The following GLYATL1 variants were observed in gnomAD, a reference collection of about 807,000 sequenced individuals.
GLYATL1 encodes glycine N-acyltransferase-like protein 1.
A neutral mutation model predicts 20.0 loss-of-function variants in GLYATL1; 15 were observed. The ratio of observed to expected loss-of-function variants is 0.75; its 90% confidence interval spans 0.50 to 1.15. The LOEUF is 1.15. Ranked by LOEUF, GLYATL1 falls within the 50% of genes most tolerant of loss-of-function variation. The pLI, the probability that GLYATL1 is intolerant of heterozygous loss-of-function variation, is 0.00. For missense variants in GLYATL1, 380 were observed against 368.5 expected (o/e 1.03, Z -0.26); for synonymous variants, 151 against 131.5 (o/e 1.15, Z -1.01).
chr11:58,951,896 G>GT (rs1554988226), intron 4 of GLYATL1, among the ~76,000 whole-genome samples: 17 of 151,950 alleles, frequency 1.1e-4, no homozygotes, highest in African/African-American at 3.6e-4. Flanking sequence ...GGCATTATTT[G>GT]TTTTGTTTTT....
intron 1 of GLYATL1, among the ~76,000 whole-genome samples, chr11:58,929,463 G>A (rs903844680): frequency 3.3e-5 from 5 of 152,050 alleles, no homozygotes; most frequent in Admixed American, 6.6e-5. Flanking sequence ...TTACCTGTTA[G>A]TTCTTGCATT....
At chr11:58,919,235 A>T (rs1855251391) in intron 1 of GLYATL1, among the ~76,000 whole-genome samples, 1 of 152,172 alleles carries the variant, frequency 6.6e-6, no homozygotes, top group African/African-American at 2.4e-5. Context: ...ATCACCTTTA[A>T]TCTGACATAT....
chr11:58,919,696 AG>A (rs1270097103), intron 1 of GLYATL1, among the ~76,000 whole-genome samples: 3 of 152,222 alleles, frequency 2.0e-5, no homozygotes, highest in Admixed American at 6.5e-5. Context: ...ATTAAAATCC[AG>A]AAGCAAATTT....
chr11:58,907,541 G>C, exon 2 of GLYATL1: 1 of 360,482 alleles, frequency 2.8e-6, no homozygotes, highest in South Asian at 2.1e-5. Flanking sequence ...ACTCCATTTT[G>C]GCCAGAAATT....
At chr11:58,949,137 T>C (rs1032874587) in intron 4 of GLYATL1, among the ~76,000 whole-genome samples, 5 of 152,244 alleles carry the variant, frequency 3.3e-5, no homozygotes, top group Non-Finnish European at 5.9e-5. Context: ...GGTGTATTTT[T>C]TTCCTAAATA....
chr11:58,946,757 G>A, intron 2 of GLYATL1: 1 of 444,672 alleles, frequency 2.2e-6, no homozygotes, highest in East Asian at 4.5e-5. Flanking sequence ...TTCTGTTACA[G>A]GCATTTGGGA....
rs563291054 is a variant in GLYATL1 at position 58,947,195 on chromosome 11, G to A, written c.78+30G>A. ...GGGAACAGTGGGAGGTCAGGGTATG[G>A]GAGTAGGGGTGTTGAGGATGAGAAA... On this transcript the variant is annotated intron_variant, in intron 3 of 6. Transcript: ENST00000532726. 8 of 1,604,684 alleles carry A rather than the reference G, an allele frequency of 5.0e-6. No homozygotes were observed. The East Asian group carries it at 6.7e-5, about 13-fold the overall frequency.
chr11:58,943,636 A>C lies in GLYATL1; in HGVS notation c.-73A>C, dbSNP rs147694696. The C allele has an allele frequency of 6.2e-7, 1 of 1,613,652 alleles. No homozygotes were observed. Among genetic ancestry groups the C allele is most frequent in the Admixed American group, 1.7e-5 (1 of 60,004 alleles). ...GTACCTGCAGGATCCAATTGTGTCCATTGATCTCTCAGAGTGGCTGAGGAT... is the reference window on the plus strand; with the variant it reads ...GTACCTGCAGGATCCAATTGTGTCCCTTGATCTCTCAGAGTGGCTGAGGAT... On this transcript the variant is annotated 5_prime_UTR_variant, in exon 2 of 7. Coordinates refer to ENST00000532726, the MANE Select transcript of GLYATL1 (RefSeq NM_001389712.2).
chr11:58,943,242 A>G, intron 1 of GLYATL1: 1 of 1,504,894 alleles, frequency 6.6e-7, no homozygotes, highest in Non-Finnish European at 8.8e-7. Context: ...ACCTGTAACA[A>G]TACTCCAGTG....
At chr11:58,905,741 G>C (rs1442950901) in intron 1 of GLYATL1, 1 of 376,866 alleles carries the variant, frequency 2.7e-6, no homozygotes, top group Admixed American at 2.7e-5. Flanking sequence ...GGACAAATAG[G>C]GAGGGTGGGC....
At chr11:58,954,593 G>T (rs746017826) in intron 4 of GLYATL1, among the ~76,000 whole-genome samples, 177 bp from the exon 5 acceptor site, 1 of 152,188 alleles carries the variant, frequency 6.6e-6, no homozygotes, top group Non-Finnish European at 1.5e-5. Context: ...AGTTACACAG[G>T]TAAGAGGTCA....
At chr11:58,919,775 C>T (rs573239253) in intron 1 of GLYATL1, among the ~76,000 whole-genome samples, 1 of 152,276 alleles carries the variant, frequency 6.6e-6, no homozygotes, top group South Asian at 2.1e-4. Flanking sequence ...GGGTTGTTCT[C>T]GGCACAAGTT....
intron 4 of GLYATL1, among the ~76,000 whole-genome samples, chr11:58,950,383 CTT>C (rs1306005570): frequency 6.6e-6 from 1 of 152,082 alleles, no homozygotes; most frequent in Non-Finnish European, 1.5e-5. Flanking sequence ...ATGGACATCA[CTT>C]TGGGTGAATC....
chr11:58,938,081 ATG>A (rs1855917215), upstream of GLYATL1, among the ~76,000 whole-genome samples: 1 of 152,236 alleles, frequency 6.6e-6, no homozygotes, highest in Non-Finnish European at 1.5e-5. Context: ...ATGTGTATAA[ATG>A]TATGCTTACA....
chr11:58,911,556 C>T (rs1188242836), downstream of GLYATL1, among the ~76,000 whole-genome samples: 1 of 152,156 alleles, frequency 6.6e-6, no homozygotes, highest in Non-Finnish European at 1.5e-5. Flanking sequence ...TTGCATTACA[C>T]TAATGACCAA....
Position 58,955,608 on chromosome 11 carries a change from A to G in GLYATL1, c.492-2A>G, listed in dbSNP as rs1857346139. The G allele has an allele frequency of 6.2e-7, 1 of 1,612,602 alleles. No homozygotes were observed. The highest frequency in any genetic ancestry group is 8.5e-7 in the Non-Finnish European group (1 of 1,178,936). ...TGTTGTCTTTCTTTTTGTTGTCTAC[A>G]GTGAAACTCCCAACTTTAAGTATGC... On this transcript the variant is annotated splice_acceptor_variant, in intron 6 of 6. Transcript: ENST00000532726. LOFTEE classifies it high-confidence loss of function.
chr11:58,916,711 G>A (rs2135105523), intron 1 of GLYATL1, among the ~76,000 whole-genome samples: 1 of 152,332 alleles, frequency 6.6e-6, no homozygotes, highest in East Asian at 1.9e-4. Context: ...TGTTACCAGT[G>A]GATGGTCTTG....
At position 58,948,103 on chromosome 11, in the gene GLYATL1, C is replaced by G. The variant is rs1249077297; in HGVS notation, c.186+138C>G. 7 of 646,550 alleles carry G rather than the reference C, an allele frequency of 1.1e-5. No individual in the cohort carries two copies. The East Asian group carries it at 1.7e-4, about 15-fold the overall frequency. The allele number at this position is 646,550 out of a possible 1,614,324, so 40.1% of individuals were successfully genotyped here. On this transcript the variant is annotated intron_variant, in intron 4 of 6. Transcript: ENST00000532726. The stretch of plus-strand genomic sequence containing the variant: ...TAAAACACTCCTTCAGTACTGGGCA[C>G]CTTGCATGAGTGCCACGTGTTCCCA...
chr11:58,923,327 A>T (rs1327247327), upstream of GLYATL1, among the ~76,000 whole-genome samples: 2 of 152,230 alleles, frequency 1.3e-5, no homozygotes, highest in Non-Finnish European at 2.9e-5. Flanking sequence ...GGGTAAAGTC[A>T]CAGGGGAGCT....
Sources: gnomAD v4.1 joint callset for allele counts (sites outside exome capture counted in the v4.1 genomes callset) on GRCh38, gnomAD v4.1.1 for gene constraint, MANE v1.5 for transcripts, NCBI Gene and HGNC (gene_info 2026-07-23, HGNC 2026-07-21) for gene names.